The following ROBO2 variants were observed in gnomAD, a reference collection of about 807,000 sequenced individuals.
ROBO2 encodes roundabout guidance receptor 2.
Under a neutral mutation model 160.8 loss-of-function variants are expected in ROBO2, and 53 were observed. The observed-to-expected ratio is 0.33, with a 90% CI of 0.26 to 0.41. ROBO2 has a LOEUF of 0.41. Among genes scored for constraint, ROBO2 ranks in the 10% least tolerant of loss-of-function variants. The pLI, the probability that ROBO2 is intolerant of heterozygous loss-of-function variation, is 1.00. For missense variants in ROBO2, 1,577 were observed against 1,722.4 expected, an observed-to-expected ratio of 0.92 and a Z score of 1.49; for synonymous variants, 664 against 611.7, an observed-to-expected ratio of 1.09 and a Z score of -1.26.
At chr3:77,013,999 C>T (rs1159292660) in intron 2 of ROBO2, among the ~76,000 whole-genome samples, 1 of 152,102 alleles carries the variant, frequency 6.6e-6, no homozygotes, top group South Asian at 2.1e-4. Context: ...AGACTCTAAA[C>T]TTTAAATGCA....
intron 2 of ROBO2, among the ~76,000 whole-genome samples, chr3:75,958,821 A>G (rs1043849400): frequency 6.6e-6 from 1 of 151,812 alleles, no homozygotes; most frequent in Non-Finnish European, 1.5e-5. Context: ...TAAAAAAAGC[A>G]GTGTTCTCAA....
intron 2 of ROBO2, among the ~76,000 whole-genome samples, chr3:76,439,435 T>C (rs1193680586): frequency 5.3e-5 from 8 of 151,464 alleles, no homozygotes; most frequent in Non-Finnish European, 7.4e-5. Flanking sequence ...AGAAGAAGCA[T>C]GAAGAGCTGA....
chr3:76,940,055 C>T (rs2078063316), intron 2 of ROBO2, among the ~76,000 whole-genome samples: 1 of 147,138 alleles, frequency 6.8e-6, no homozygotes, highest in Non-Finnish European at 1.5e-5. Context: ...TACCTCGGCT[C>T]ACTGCAAGCT....
intron 13 of ROBO2, 80 bp from the exon 15 acceptor site, chr3:77,574,419 C>A: frequency 8.2e-7 from 1 of 1,213,844 alleles, no homozygotes; most frequent in South Asian, 1.2e-5. Context: ...AGAAATGGGA[C>A]AAATGAAAAG....
intron 2 of ROBO2, among the ~76,000 whole-genome samples, chr3:77,442,374 A>T (rs1260284753): frequency 1.3e-5 from 2 of 152,096 alleles, no homozygotes; most frequent in Non-Finnish European, 2.9e-5. Context: ...TGCTATTTTC[A>T]TTCAAAGAGA....
chr3:76,980,142 A>G (rs2060021893), intron 2 of ROBO2, among the ~76,000 whole-genome samples: 1 of 152,180 alleles, frequency 6.6e-6, no homozygotes, highest in Admixed American at 6.6e-5. Flanking sequence ...ATGGAGGACT[A>G]TCTTATTCCA....
At chr3:77,103,998 G>C (rs1460262110) in intron 2 of ROBO2, among the ~76,000 whole-genome samples, 1 of 151,948 alleles carries the variant, frequency 6.6e-6, no homozygotes, top group Non-Finnish European at 1.5e-5. Flanking sequence ...AAAGACACAA[G>C]ATAAATTAAA....
At chr3:76,118,997 ATCT>A (rs774096215) in intron 2 of ROBO2, among the ~76,000 whole-genome samples, 6 of 152,266 alleles carry the variant, frequency 3.9e-5, no homozygotes, top group East Asian at 1.9e-4. Context: ...GTAGGTAAAG[ATCT>A]TCTTCAGTTG....
At chr3:77,183,085 T>C (rs2080943608) in intron 2 of ROBO2, among the ~76,000 whole-genome samples, 1 of 152,092 alleles carries the variant, frequency 6.6e-6, no homozygotes, top group African/African-American at 2.4e-5. Flanking sequence ...TACTCTGTAA[T>C]TCACTGATGC....
intron 2 of ROBO2, among the ~76,000 whole-genome samples, chr3:76,313,278 C>T (rs967031744): frequency 6.6e-6 from 1 of 152,172 alleles, no homozygotes. Context: ...GATGTAGCCT[C>T]GCCTTGATAT....
chr3:77,231,688 G>A (rs898855271), intron 2 of ROBO2, among the ~76,000 whole-genome samples: 3 of 151,910 alleles, frequency 2.0e-5, no homozygotes, highest in Admixed American at 6.6e-5. Flanking sequence ...CGAAAATCCC[G>A]AATTGGTGTT....
intron 2 of ROBO2, among the ~76,000 whole-genome samples, chr3:77,209,635 G>A (rs1232676597): frequency 2.6e-5 from 4 of 151,610 alleles, no homozygotes; most frequent in East Asian, 2.0e-4. Context: ...AAGGACACTC[G>A]TTTGAGATTT....
At chr3:77,030,362 C>A (rs1019535935) in intron 2 of ROBO2, among the ~76,000 whole-genome samples, 1 of 152,118 alleles carries the variant, frequency 6.6e-6, no homozygotes, top group Non-Finnish European at 1.5e-5. Context: ...ATATAATATG[C>A]ACTTTTCACT....
intron 2 of ROBO2, among the ~76,000 whole-genome samples, chr3:77,435,770 G>A (rs1455435567): frequency 1.3e-5 from 2 of 151,700 alleles, no homozygotes; most frequent in African/African-American, 4.8e-5. Context: ...GTGGACAAAG[G>A]TCGTGAAAGA....
At chr3:76,186,695 C>T (rs970239772) in intron 2 of ROBO2, among the ~76,000 whole-genome samples, 1 of 152,102 alleles carries the variant, frequency 6.6e-6, no homozygotes, top group African/African-American at 2.4e-5. Flanking sequence ...CATCTCTTGT[C>T]CTCATATCTG....
At chr3:77,149,567 G>C (rs2077388740) in intron 2 of ROBO2, among the ~76,000 whole-genome samples, 1 of 152,106 alleles carries the variant, frequency 6.6e-6, no homozygotes, top group Non-Finnish European at 1.5e-5. Flanking sequence ...GTCAATAGTG[G>C]CTTATAGGAG....
In ROBO2 at chr3:77,507,882, T is replaced by G. The variant is rs182677365; in HGVS notation, c.806+14500T>G. ...TATTGAAAATAATACCTGCAATATT[T>G]TTAAAGTATTTAAAAGTAATAAATT... is the stretch of plus-strand genomic sequence containing the variant. On this transcript the variant is annotated intron_variant, in intron 5 of 25. Transcript: ENST00000461745. 2.2e-4 allele frequency among the ~76,000 whole-genome samples: 33 copies of G among 152,196 alleles called. No homozygotes were observed. In the East Asian group the frequency reaches 6.2e-3, roughly 29 times the overall value.
At chr3:76,045,137 A>G (rs1327895932) in intron 2 of ROBO2, among the ~76,000 whole-genome samples, 4 of 151,944 alleles carry the variant, frequency 2.6e-5, no homozygotes, top group Non-Finnish European at 5.9e-5. Context: ...CTCCTGTTAC[A>G]TTTTGTTTTC....
intron 20 of ROBO2, among the ~76,000 whole-genome samples, chr3:77,604,329 C>A (rs1041768103): frequency 6.6e-6 from 1 of 152,020 alleles, no homozygotes; most frequent in Admixed American, 6.6e-5. Flanking sequence ...CCTGGGCTTC[C>A]TTTTTATTTC....
Sources: allele counts gnomAD v4.1 joint callset (sites outside exome capture counted in the v4.1 genomes callset), GRCh38; gene constraint gnomAD v4.1.1; transcripts MANE v1.5; gene names NCBI Gene and HGNC (gene_info 2026-07-23, HGNC 2026-07-21).